The following PCDHGA12 variants were observed in gnomAD, a reference collection of about 807,000 sequenced individuals.
PCDHGA12 encodes the protein protocadherin gamma-A12.
In PCDHGA12, 43 loss-of-function variants were observed where a neutral mutation model predicts 61.1. That is an observed-to-expected ratio of 0.70 (90% CI 0.55 to 0.91). The LOEUF is 0.91. Among genes scored for constraint, PCDHGA12 ranks in the 40% least tolerant of loss-of-function variants. PCDHGA12 has a pLI of 0.00. For missense variants in PCDHGA12, 1,236 were observed against 1,227.7 expected (o/e 1.01, Z -0.10); for synonymous variants, 520 against 542.9 (o/e 0.96, Z 0.59).
At chr5:141,463,532 T>G (rs1237301892) in intron 1 of PCDHGA12, among the ~76,000 whole-genome samples, 1 of 133,692 alleles carries the variant, frequency 7.5e-6, no homozygotes, top group African/African-American at 2.8e-5. Flanking sequence ...TACTAGAAAC[T>G]CCGGCTCCCG....
intron 3 of PCDHGA12, among the ~76,000 whole-genome samples, chr5:141,507,898 C>T (rs577177417): frequency 1.3e-5 from 2 of 152,310 alleles, no homozygotes; most frequent in East Asian, 1.9e-4. Flanking sequence ...TTCCTGAAGT[C>T]CAGCCCAGCC....
chr5:141,501,500 C>G (rs1385290676), intron 2 of PCDHGA12, among the ~76,000 whole-genome samples: 1 of 151,934 alleles, frequency 6.6e-6, no homozygotes, highest in Non-Finnish European at 1.5e-5. Context: ...GCTGCTGGGG[C>G]TCCAAGGCCT....
At chr5:141,450,293 G>A (rs879439714) in intron 1 of PCDHGA12, among the ~76,000 whole-genome samples, 6 of 151,746 alleles carry the variant, frequency 4.0e-5, no homozygotes, top group Non-Finnish European at 7.4e-5. Flanking sequence ...GATTACAGGC[G>A]TGAGCCACCA....
Position 141,476,437 on chromosome 5 carries a change from T to C in PCDHGA12, c.2425-18370T>C, listed in dbSNP as rs1260141259. The C allele has an allele frequency of 6.2e-7, 1 of 1,614,004 alleles. No homozygotes were observed. Among genetic ancestry groups the C allele is most frequent in the East Asian group, 2.2e-5 (1 of 44,836 alleles). ...GGACACTGCCCTCTTGCACTGTAAC[T>C]CTGGAGTTGGTAGTGGAGAACCCGC... On this transcript the variant is annotated intron_variant, in intron 1 of 3. Transcript: ENST00000252085. This position sits in a 1 kb window ranked among gnomAD's most constrained non-coding sequence, Gnocchi z 7.6.
chr5:141,433,259 T>C (rs776486704), intron 1 of PCDHGA12, 76 bp downstream of exon 1: 3 of 1,380,658 alleles, frequency 2.2e-6, no homozygotes, highest in Non-Finnish European at 3.0e-6. Flanking sequence ...AGCGGTACGA[T>C]CATAGCTCAC....
At chr5:141,492,834 G>A (rs544218873) in intron 1 of PCDHGA12, among the ~76,000 whole-genome samples, 7 of 152,214 alleles carry the variant, frequency 4.6e-5, no homozygotes, top group African/African-American at 1.7e-4. Context: ...CCTTCCTCCC[G>A]CAGGAAGTGA....
intron 1 of PCDHGA12, among the ~76,000 whole-genome samples, chr5:141,455,519 G>T (rs1439363688): frequency 1.3e-5 from 2 of 152,158 alleles, no homozygotes; most frequent in East Asian, 3.9e-4. Flanking sequence ...TCAGGGGATT[G>T]GTTTGACCAG....
intron 1 of PCDHGA12, among the ~76,000 whole-genome samples, chr5:141,434,824 A>ACTTG (rs1561875192): frequency 1.3e-5 from 2 of 151,888 alleles, no homozygotes; most frequent in African/African-American, 4.8e-5. Flanking sequence ...CCCTTAGTAC[A>ACTTG]CTTGGCATTT....
intron 1 of PCDHGA12, among the ~76,000 whole-genome samples, chr5:141,451,719 TA>T (rs2098722539): frequency 6.6e-6 from 1 of 152,016 alleles, no homozygotes; most frequent in Non-Finnish European, 1.5e-5. Flanking sequence ...CTGCCTCTAC[TA>T]AAAATACAAA....
rs2099883697 is a variant in PCDHGA12, at chr5:141,511,284, G to T, written c.*111G>T. On this transcript the variant is annotated 3_prime_UTR_variant, in exon 4 of 4. Coordinates refer to ENST00000252085, the MANE Select transcript of PCDHGA12 (RefSeq NM_003735.3). ...AGGGCTAACCCCCAGAATACTGGTA[G>T]GGGCCAAGGCCATGCTCCCCTTGGG... 6.5e-7 allele frequency: 1 copy of T among 1,528,258 alleles called. No homozygotes were observed. Among genetic ancestry groups the T allele is most frequent in the African/African-American group, 1.4e-5 (1 of 72,674 alleles). 94.7% of individuals were successfully genotyped at this position (1,528,258 alleles called of 1,614,324 possible). A position where few individuals can be genotyped will look rare whatever the true frequency, so the allele number is the denominator to read the frequency against.
chr5:141,492,503 A>G (rs1341352458), intron 1 of PCDHGA12, among the ~76,000 whole-genome samples: 1 of 151,188 alleles, frequency 6.6e-6, no homozygotes, highest in Non-Finnish European at 1.5e-5. Context: ...AGGACTCCGG[A>G]GCCTCCTCTC....
In PCDHGA12 at chr5:141,448,771, T is replaced by C. The variant is rs564309379; in HGVS notation, c.2424+15588T>C. Among the ~76,000 whole-genome samples the C allele has an allele frequency of 6.6e-4, 100 of 151,738 alleles. 1 individual carries two copies. The highest frequency in any genetic ancestry group is 6.8e-3 in the Middle Eastern group (2 of 294). On this transcript the variant is annotated intron_variant, in intron 1 of 3. Coordinates refer to ENST00000252085, the MANE Select transcript of PCDHGA12 (RefSeq NM_003735.3). ...CTGGCTAACACGGTGAAACCCCGTCTGTACTAAAAATACAAAAAAAAAAAT... is the reference window on the plus strand; with the variant it reads ...CTGGCTAACACGGTGAAACCCCGTCCGTACTAAAAATACAAAAAAAAAAAT...
chr5:141,455,159 G>GTT (rs1390145608), intron 1 of PCDHGA12, among the ~76,000 whole-genome samples: 4 of 144,860 alleles, frequency 2.8e-5, no homozygotes, highest in African/African-American at 7.8e-5. Context: ...TTAGTTTGTT[G>GTT]GTTTTTTTTT....
chr5:141,510,448 C>T (rs1339979584), intron 3 of PCDHGA12, among the ~76,000 whole-genome samples: 1 of 152,016 alleles, frequency 6.6e-6, no homozygotes, highest in Non-Finnish European at 1.5e-5. Context: ...TCCAGGAGCC[C>T]ATGGTCTAGT....
At position 141,447,650 on chromosome 5, in the gene PCDHGA12, T is replaced by C. The variant is rs555134653; in HGVS notation, c.2424+14467T>C. Reference sequence around the variant, plus strand: ...AACAGTATGAATGATGGTAGAATTTTCCCCCCCAGGAAGTTAGAACTGTTC... The same window carrying C: ...AACAGTATGAATGATGGTAGAATTTCCCCCCCCAGGAAGTTAGAACTGTTC... On this transcript the variant is annotated intron_variant, in intron 1 of 3. Transcript: ENST00000252085. Among the ~76,000 whole-genome samples, 24 of 152,106 alleles carry C rather than the reference T, an allele frequency of 1.6e-4. No homozygotes were observed. The South Asian group carries it at 2.3e-3, about 15-fold the overall frequency.
chr5:141,460,614 G>A (rs10058360), intron 1 of PCDHGA12, among the ~76,000 whole-genome samples: 42,418 of 151,914 alleles, frequency 0.28, 6,648 homozygotes, highest in African/African-American at 0.43. Flanking sequence ...TAGATGGATA[G>A]ATAGACAGAT....
chr5:141,478,435 G>A, intron 1 of PCDHGA12: 1 of 1,613,736 alleles, frequency 6.2e-7, no homozygotes, highest in Non-Finnish European at 8.5e-7. Context: ...ACCCGCTGCT[G>A]AAGAAACCTG....
rs774649069 is a variant in PCDHGA12 at position 141,477,417 on chromosome 5, C to G, written c.2425-17390C>G. The G allele has an allele frequency of 1.2e-6, 2 of 1,614,172 alleles. No individual in the cohort carries two copies. The highest frequency in any genetic ancestry group is 2.7e-5 in the African/African-American group (2 of 75,032). On this transcript the variant is annotated intron_variant, in intron 1 of 3. Coordinates refer to ENST00000252085, the MANE Select transcript of PCDHGA12 (RefSeq NM_003735.3). The surrounding 1 kb of genome is among the most constrained non-coding windows in gnomAD (Gnocchi z 4.9). Reference sequence around the variant, plus strand: ...AGCATCACCGCCCGAGACGCCGGAACCCCTTCCCTCTCAGCCCTTACAATA... The same window carrying G: ...AGCATCACCGCCCGAGACGCCGGAAGCCCTTCCCTCTCAGCCCTTACAATA...
chr5:141,449,256 A>C (rs929920180), intron 1 of PCDHGA12, among the ~76,000 whole-genome samples: 5 of 152,176 alleles, frequency 3.3e-5, no homozygotes, highest in Non-Finnish European at 5.9e-5. Context: ...CAAGAATTGT[A>C]CAAAGAACTG....
Sources: allele counts gnomAD v4.1 joint callset (sites outside exome capture counted in the v4.1 genomes callset), GRCh38; gene constraint gnomAD v4.1.1; non-coding constraint Gnocchi (gnomAD v3.1); transcripts MANE v1.5; gene names NCBI Gene and HGNC (gene_info 2026-07-23, HGNC 2026-07-21).